PTPRD: variants seen among roughly 807,000 people sequenced by gnomAD.
The protein encoded by PTPRD is protein tyrosine phosphatase receptor type D, also known as receptor-type tyrosine-protein phosphatase delta.
Under a neutral mutation model 214.5 loss-of-function variants are expected in PTPRD, and 34 were observed. The ratio of observed to expected loss-of-function variants is 0.16; its 90% CI spans 0.12 to 0.21. The LOEUF (loss-of-function observed/expected upper bound fraction) is 0.21. Among genes scored for constraint, PTPRD ranks in the 10% least tolerant of loss-of-function variants. The pLI is 1.00. For missense variants in PTPRD, 2,545 were observed against 2,398.7 expected, an observed-to-expected ratio of 1.06 and a Z score of -1.27; for synonymous variants, 1,128 against 845.7, an observed-to-expected ratio of 1.33 and a Z score of -5.79.
At chr9:8,634,436 G>A (rs1564863661) in intron 13 of PTPRD, among the ~76,000 whole-genome samples, 1 of 151,762 alleles carries the variant, frequency 6.6e-6, no homozygotes, top group Non-Finnish European at 1.5e-5. Context: ...ATATTTATGG[G>A]GTGCTTAATT....
At chr9:8,639,855 G>A (rs539451645) in intron 12 of PTPRD, among the ~76,000 whole-genome samples, 1 of 152,214 alleles carries the variant, frequency 6.6e-6, no homozygotes. Context: ...TACACTTGGA[G>A]AATAGGTATG....
chr9:9,870,517 T>C (rs1394699731), intron 5 of PTPRD, among the ~76,000 whole-genome samples: 1 of 152,034 alleles, frequency 6.6e-6, no homozygotes, highest in Non-Finnish European at 1.5e-5. Flanking sequence ...TTTTTGATTA[T>C]AATGTATTTC....
intron 7 of PTPRD, among the ~76,000 whole-genome samples, chr9:9,588,948 G>C (rs1025171491): frequency 6.6e-6 from 1 of 151,938 alleles, no homozygotes; most frequent in African/African-American, 2.4e-5. Context: ...ATTAGAACTT[G>C]TAATATTATA....
intron 2 of PTPRD, among the ~76,000 whole-genome samples, chr9:10,482,364 C>T (rs1371747514): frequency 6.6e-6 from 1 of 151,714 alleles, no homozygotes; most frequent in Non-Finnish European, 1.5e-5. Context: ...GAGCAAGACT[C>T]CGTTTCAATA....
intron 3 of PTPRD, among the ~76,000 whole-genome samples, chr9:10,129,268 G>A (rs994894548): frequency 6.6e-6 from 1 of 152,084 alleles, no homozygotes; most frequent in Non-Finnish European, 1.5e-5. Flanking sequence ...CAAAGTCCAT[G>A]CATACTAATG....
At chr9:9,794,499 G>T (rs189668744) in intron 5 of PTPRD, among the ~76,000 whole-genome samples, 22 of 145,750 alleles carry the variant, frequency 1.5e-4, no homozygotes, top group Non-Finnish European at 3.4e-4. Flanking sequence ...GGCATGGGGG[G>T]TATATGTAGA....
At chr9:9,352,604 G>A (rs1163296234) in intron 9 of PTPRD, among the ~76,000 whole-genome samples, 2 of 151,732 alleles carry the variant, frequency 1.3e-5, no homozygotes, top group Non-Finnish European at 2.9e-5. Context: ...GTAAATCTCA[G>A]TAGATTCCTA....
chr9:8,952,429 A>G (rs1017913617), intron 11 of PTPRD, among the ~76,000 whole-genome samples: 4 of 151,972 alleles, frequency 2.6e-5, no homozygotes, highest in African/African-American at 9.7e-5. Context: ...TGTATGTTTT[A>G]CCTTTACCCT....
intron 11 of PTPRD, among the ~76,000 whole-genome samples, chr9:8,757,411 A>C (rs2094083244): frequency 6.6e-6 from 1 of 152,064 alleles, no homozygotes; most frequent in East Asian, 1.9e-4. Flanking sequence ...ATATGTTCAA[A>C]ACATTATCAG....
intron 10 of PTPRD, among the ~76,000 whole-genome samples, chr9:9,048,761 G>C (rs911345681): frequency 2.0e-4 from 31 of 152,016 alleles, no homozygotes; most frequent in African/African-American, 7.0e-4. Flanking sequence ...TAGCACAACA[G>C]GGTGACTATA....
chr9:10,392,231 T>C (rs1380058388), intron 2 of PTPRD, among the ~76,000 whole-genome samples: 1 of 151,928 alleles, frequency 6.6e-6, no homozygotes, highest in Non-Finnish European at 1.5e-5. Context: ...ATAATGTATG[T>C]ATCCACAATA....
intron 3 of PTPRD, among the ~76,000 whole-genome samples, chr9:10,170,561 C>T (rs2099195888): frequency 6.6e-6 from 1 of 152,038 alleles, no homozygotes; most frequent in East Asian, 1.9e-4. Flanking sequence ...GTGGCAGGCG[C>T]CTGTAGTCCC....
At chr9:8,867,024 A>C (rs1240254052) in intron 11 of PTPRD, among the ~76,000 whole-genome samples, 1 of 152,190 alleles carries the variant, frequency 6.6e-6, no homozygotes, top group Non-Finnish European at 1.5e-5. Context: ...TCACATATTG[A>C]AAGGCCTCTT....
intron 8 of PTPRD, among the ~76,000 whole-genome samples, chr9:9,551,358 G>A (rs1228198553): frequency 6.6e-6 from 1 of 151,904 alleles, no homozygotes; most frequent in Non-Finnish European, 1.5e-5. Context: ...CCCTAAAGGT[G>A]AATAATTCCA....
chr9:9,267,990 C>G (rs557492925), intron 9 of PTPRD, among the ~76,000 whole-genome samples: 1 of 150,980 alleles, frequency 6.6e-6, no homozygotes, highest in African/African-American at 2.4e-5. Flanking sequence ...TCCACTCTCG[C>G]CACTTCTATT....
intron 7 of PTPRD, among the ~76,000 whole-genome samples, chr9:9,711,280 A>G (rs1466673764): frequency 2.0e-5 from 3 of 152,168 alleles, no homozygotes; most frequent in Non-Finnish European, 4.4e-5. Context: ...TCTTGTTTAT[A>G]TCAATTAACC....
At chr9:9,200,460 C>T (rs1302581435) in intron 9 of PTPRD, among the ~76,000 whole-genome samples, 1 of 152,200 alleles carries the variant, frequency 6.6e-6, no homozygotes, top group Non-Finnish European at 1.5e-5. Flanking sequence ...CACTTGTTGG[C>T]TTCACCTATG....
intron 2 of PTPRD, among the ~76,000 whole-genome samples, chr9:10,588,427 T>TACACACACACACACACACAC (rs3076471): frequency 2.5e-4 from 37 of 146,704 alleles, no homozygotes; most frequent in African/African-American, 4.5e-4. Flanking sequence ...TGGCTTATTG[T>TACACACACACACACACACAC]ACACACACAC....
At chr9:9,558,523 C>T (rs1362783639) in intron 8 of PTPRD, among the ~76,000 whole-genome samples, 4 of 152,134 alleles carry the variant, frequency 2.6e-5, no homozygotes, top group African/African-American at 9.7e-5. Context: ...CATAGACAGG[C>T]TTGACCCATA....
Sources: allele counts gnomAD v4.1 joint callset (sites outside exome capture counted in the v4.1 genomes callset), GRCh38; gene constraint gnomAD v4.1.1; transcripts MANE v1.5; gene names NCBI Gene and HGNC (gene_info 2026-07-23, HGNC 2026-07-21).